The following TENM3 variants were observed in gnomAD, a reference collection of about 807,000 sequenced individuals.
TENM3 encodes teneurin transmembrane protein 3, also known as teneurin-3.
In TENM3, 63 loss-of-function variants were observed where a neutral mutation model predicts 255.1. The observed-to-expected ratio is 0.25, with a 90% CI of 0.20 to 0.30. The LOEUF (loss-of-function observed/expected upper bound fraction) is 0.30. Among genes scored for constraint, TENM3 ranks in the 10% least tolerant of loss-of-function variants. The probability of loss-of-function intolerance (pLI) is 1.00; values close to 1 mark genes in which losing one functional copy is unlikely to be tolerated. For missense variants in TENM3, 2,929 were observed against 3,461.1 expected, an observed-to-expected ratio of 0.85 and a Z score of 3.86; for synonymous variants, 1,306 against 1,322.3, an observed-to-expected ratio of 0.99 and a Z score of 0.27.
At chr4:182,364,038 TG>T (rs1766223507) in intron 3 of TENM3, among the ~76,000 whole-genome samples, 1 of 152,036 alleles carries the variant, frequency 6.6e-6, no homozygotes, top group African/African-American at 2.4e-5. Flanking sequence ...TGCCTATAGG[TG>T]AACCAAATTA....
chr4:181,882,408 T>C, the TENM3 span, among the ~76,000 whole-genome samples: 5 of 152,322 alleles, frequency 3.3e-5, no homozygotes, highest in African/African-American at 1.2e-4. Context: ...ATGTTGGAAC[T>C]TCCATTTCAG....
intron 3 of TENM3, among the ~76,000 whole-genome samples, chr4:182,537,656 A>G (rs1740472003): frequency 6.6e-6 from 1 of 152,190 alleles, no homozygotes; most frequent in African/African-American, 2.4e-5. Context: ...GTTTTCTATG[A>G]CACCGTCTGC....
chr4:181,946,878 A>G, the TENM3 span, among the ~76,000 whole-genome samples: 2 of 152,218 alleles, frequency 1.3e-5, no homozygotes, highest in East Asian at 3.9e-4. Context: ...TTCATGTCTG[A>G]TTTAGATGGA....
the TENM3 span, among the ~76,000 whole-genome samples, chr4:181,933,366 A>G: frequency 6.6e-6 from 1 of 152,332 alleles, no homozygotes; most frequent in Non-Finnish European, 1.5e-5. Context: ...CCAATCATCT[A>G]CTAAATGCAT....
chr4:181,856,313 A>G, the TENM3 span, among the ~76,000 whole-genome samples: 1 of 152,094 alleles, frequency 6.6e-6, no homozygotes, highest in Admixed American at 6.5e-5. Context: ...CACCAGCAAC[A>G]TGCCAAGACC....
the TENM3 span, among the ~76,000 whole-genome samples, chr4:181,507,164 C>G: frequency 5.9e-5 from 9 of 152,230 alleles, no homozygotes; most frequent in Admixed American, 5.9e-4. Context: ...CTCAACTCCT[C>G]TGCCTCTCAA....
the TENM3 span, among the ~76,000 whole-genome samples, chr4:181,566,924 A>T: frequency 6.6e-6 from 1 of 152,184 alleles, no homozygotes; most frequent in African/African-American, 2.4e-5. Context: ...TAGTGCTTGG[A>T]TGCCAACAGG....
At chr4:181,544,580 C>A in the TENM3 span, among the ~76,000 whole-genome samples, 6,713 of 152,270 alleles carry the variant, frequency 0.044, 226 homozygotes, top group South Asian at 0.15. Flanking sequence ...AGTTGGCATG[C>A]ATTCAAGGAA....
At chr4:181,885,649 T>A in the TENM3 span, among the ~76,000 whole-genome samples, 1 of 152,220 alleles carries the variant, frequency 6.6e-6, no homozygotes, top group Non-Finnish European at 1.5e-5. Flanking sequence ...TAGCTACATG[T>A]TCGTTTCATT....
intron 4 of TENM3, among the ~76,000 whole-genome samples, chr4:182,608,681 G>C (rs997693468): frequency 2.6e-5 from 4 of 152,150 alleles, no homozygotes; most frequent in African/African-American, 7.2e-5. Flanking sequence ...GCTTCTGCAG[G>C]CCCGGGTTTG....
At chr4:182,185,824 G>A (rs575364504) in intron 1 of TENM3, among the ~76,000 whole-genome samples, 19 of 152,154 alleles carry the variant, frequency 1.2e-4, no homozygotes, top group Non-Finnish European at 2.2e-4. Context: ...CATACGCTTC[G>A]CAGTGTGCCA....
rs146248372 is a variant in TENM3 at position 182,267,612 on chromosome 4, C to A, written c.-76+24136C>A. Among the ~76,000 whole-genome samples the A allele has an allele frequency of 8.9e-3, 1,346 of 151,712 alleles. 17 individuals are homozygous for A. The highest frequency in any genetic ancestry group is 0.029 in the African/African-American group (1,201 of 41,326). On this transcript the variant is annotated intron_variant, in intron 1 of 27. Transcript: ENST00000511685. The stretch of plus-strand genomic sequence containing the variant: ...GACTTCAAGAGAAAAGAAATTTACC[C>A]AATTCACAGATATTGGAGTGTGCAA...
intron 1 of TENM3, among the ~76,000 whole-genome samples, chr4:182,216,049 A>G (rs947390474): frequency 6.6e-6 from 1 of 152,190 alleles, no homozygotes; most frequent in Non-Finnish European, 1.5e-5. Context: ...TCCTGTCTTT[A>G]AAATATTTGT....
chr4:182,451,447 C>T (rs1773454656), intron 3 of TENM3, among the ~76,000 whole-genome samples: 2 of 151,998 alleles, frequency 1.3e-5, no homozygotes, highest in Non-Finnish European at 2.9e-5. Flanking sequence ...CATATTTTTA[C>T]TTGGTTAAAG....
At chr4:181,821,015 C>T in the TENM3 span, among the ~76,000 whole-genome samples, 1 of 152,122 alleles carries the variant, frequency 6.6e-6, no homozygotes. Context: ...CCAGGTTGGG[C>T]AGTTCTGCCT....
chr4:182,424,998 G>T (rs1314757958), intron 3 of TENM3, among the ~76,000 whole-genome samples: 1 of 152,068 alleles, frequency 6.6e-6, no homozygotes, highest in African/African-American at 2.4e-5. Context: ...AAGATTTTTT[G>T]AGATGTCTCC....
the TENM3 span, chr4:181,522,874 T>C: frequency 3.0e-6 from 3 of 995,378 alleles, no homozygotes; most frequent in South Asian, 3.8e-5. Context: ...TGTGCTGTTA[T>C]TGTGGTTGTG....
chr4:182,251,846 T>G (rs2150119556), intron 1 of TENM3, among the ~76,000 whole-genome samples: 1 of 152,300 alleles, frequency 6.6e-6, no homozygotes, highest in East Asian at 1.9e-4. Flanking sequence ...GTGGGTTACT[T>G]TATTCATTTC....
the TENM3 span, among the ~76,000 whole-genome samples, chr4:181,540,964 A>G: frequency 6.6e-6 from 1 of 152,200 alleles, no homozygotes; most frequent in Non-Finnish European, 1.5e-5. Context: ...ATGTGGGAAT[A>G]TGGGAACTAC....
Sources: gnomAD v4.1 joint callset for allele counts (sites outside exome capture counted in the v4.1 genomes callset) on GRCh38, gnomAD v4.1.1 for gene constraint, MANE v1.5 for transcripts, NCBI Gene and HGNC (gene_info 2026-07-23, HGNC 2026-07-21) for gene names.